Variants in CFAP61 observed in about 807,000 individuals in gnomAD.
The protein encoded by CFAP61 is cilia- and flagella-associated protein 61.
Under a neutral mutation model 135.6 loss-of-function variants are expected in CFAP61, and 107 were observed. The ratio of observed to expected loss-of-function variants is 0.79; its 90% CI spans 0.67 to 0.93. CFAP61 has a LOEUF of 0.93. CFAP61 is among the 40% of genes least tolerant of loss of function. CFAP61 has a pLI of 0.00. For synonymous variants in CFAP61, 575 were observed against 578.5 expected, an observed-to-expected ratio of 0.99 and a Z score of 0.09; for missense variants, 1,507 against 1,556.2, an observed-to-expected ratio of 0.97 and a Z score of 0.53.
intron 18 of CFAP61, among the ~76,000 whole-genome samples, chr20:20,236,312 A>G (rs2049589330): frequency 6.6e-6 from 1 of 152,196 alleles, no homozygotes; most frequent in East Asian, 1.9e-4. Context: ...TAGAATCCCC[A>G]GGTAATTCCA....
At chr20:20,270,927 C>T (rs1019803802) in intron 21 of CFAP61, among the ~76,000 whole-genome samples, 2 of 152,182 alleles carry the variant, frequency 1.3e-5, no homozygotes, top group Non-Finnish European at 2.9e-5. Flanking sequence ...CAGCCTCAAC[C>T]TTTCGAATTG....
rs139335456 is a variant in CFAP61, at chr20:20,268,395, C to T, written c.2503+5265C>T. On this transcript the variant is annotated intron_variant, in intron 21 of 26. Coordinates refer to ENST00000245957, the MANE Select transcript of CFAP61 (RefSeq NM_015585.4). The stretch of plus-strand genomic sequence containing the variant: ...TTGGGCATCAAGAACAAGAGATACT[C>T]CCAGGAGGAAGTCGGCTCTCCTTTG... 8.5e-3 allele frequency among the ~76,000 whole-genome samples: 1,300 copies of T among 152,264 alleles called. 11 individuals are homozygous for T. The highest frequency in any genetic ancestry group is 0.013 in the Non-Finnish European group (892 of 68,026).
At chr20:20,054,434 C>A (rs1369721112) in intron 1 of CFAP61, among the ~76,000 whole-genome samples, 1 of 148,900 alleles carries the variant, frequency 6.7e-6, no homozygotes, top group Non-Finnish European at 1.5e-5. Flanking sequence ...CATACATACA[C>A]ATATACACAC....
intron 8 of CFAP61, among the ~76,000 whole-genome samples, chr20:20,124,100 G>T (rs1361680718): frequency 6.7e-6 from 1 of 150,372 alleles, no homozygotes; most frequent in South Asian, 2.1e-4. Flanking sequence ...TATCCAGAAG[G>T]TTTGCTGAAT....
chr20:20,267,083 C>A (rs2052816596), intron 21 of CFAP61, among the ~76,000 whole-genome samples: 1 of 152,160 alleles, frequency 6.6e-6, no homozygotes, highest in Admixed American at 6.5e-5. Flanking sequence ...CACCAGGTGC[C>A]AGTCAGCTAT....
chr20:20,072,664 T>A (rs565453787), intron 3 of CFAP61, among the ~76,000 whole-genome samples: 4 of 152,354 alleles, frequency 2.6e-5, no homozygotes, highest in Non-Finnish European at 5.9e-5. Context: ...AGCTGTCTTC[T>A]ATGACAGTAT....
chr20:20,172,845 T>C (rs1210046122), intron 13 of CFAP61, among the ~76,000 whole-genome samples: 3 of 152,196 alleles, frequency 2.0e-5, no homozygotes, highest in Admixed American at 6.5e-5. Context: ...TTGTACATCC[T>C]ATGGCTTTGG....
intron 8 of CFAP61, among the ~76,000 whole-genome samples, chr20:20,130,109 GA>G (rs1470377832): frequency 6.6e-6 from 1 of 151,440 alleles, no homozygotes; most frequent in African/African-American, 2.4e-5. Context: ...CCAACATGGT[GA>G]AACCCCGTCT....
chr20:20,090,559 G>A (rs941814939), intron 6 of CFAP61, among the ~76,000 whole-genome samples: 2 of 151,978 alleles, frequency 1.3e-5, no homozygotes, highest in Admixed American at 1.3e-4. Context: ...GCGTGGTGGT[G>A]CATGCCTATA....
At chr20:20,310,166 G>A (rs906538365) in intron 25 of CFAP61, among the ~76,000 whole-genome samples, 1 of 152,064 alleles carries the variant, frequency 6.6e-6, no homozygotes, top group Non-Finnish European at 1.5e-5. Context: ...GCTAATTTTT[G>A]TATTTTTAGT....
chr20:20,166,835 T>C (rs1303458546), intron 12 of CFAP61, among the ~76,000 whole-genome samples: 1 of 152,176 alleles, frequency 6.6e-6, no homozygotes, highest in African/African-American at 2.4e-5. Flanking sequence ...GATTTTGAGG[T>C]TGGCATTTCT....
chr20:20,292,950 G>A (rs951314009), intron 24 of CFAP61, among the ~76,000 whole-genome samples: 1 of 152,102 alleles, frequency 6.6e-6, no homozygotes, highest in Non-Finnish European at 1.5e-5. Context: ...AAGGCAGAGA[G>A]TGTCAGGGTC....
At chr20:20,131,044 A>C (rs543444558) in intron 8 of CFAP61, among the ~76,000 whole-genome samples, 1 of 151,862 alleles carries the variant, frequency 6.6e-6, no homozygotes, top group African/African-American at 2.4e-5. Flanking sequence ...GTTGAGGGAA[A>C]TTTTCCATAC....
chr20:20,157,227 A>G (rs6046670), intron 9 of CFAP61, among the ~76,000 whole-genome samples: 137,214 of 152,142 alleles, frequency 0.9, 62,686 homozygotes, highest in Middle Eastern at 0.99. Flanking sequence ...GAACCACCAC[A>G]CCTAGATTTT....
At chr20:20,074,210 CTG>C in intron 3 of CFAP61, 90 bp from the exon 4 acceptor site, 1 of 948,248 alleles carries the variant, frequency 1.1e-6, no homozygotes, top group Non-Finnish European at 1.7e-6. Flanking sequence ...TGTTCTGTGT[CTG>C]TGGATGCCCC....
At chr20:20,335,038 C>T (rs1981202496) in intron 25 of CFAP61, among the ~76,000 whole-genome samples, 1 of 152,096 alleles carries the variant, frequency 6.6e-6, no homozygotes, top group Non-Finnish European at 1.5e-5. Flanking sequence ...TGATCATAAC[C>T]CTACCTGACA....
chr20:20,192,329 T>C (rs1409333357), intron 15 of CFAP61, among the ~76,000 whole-genome samples: 1 of 152,096 alleles, frequency 6.6e-6, no homozygotes, highest in Non-Finnish European at 1.5e-5. Context: ...GGGTCCACTC[T>C]CCACCTTTCT....
intron 8 of CFAP61, among the ~76,000 whole-genome samples, chr20:20,103,246 C>G (rs2048148027): frequency 6.6e-6 from 1 of 152,146 alleles, no homozygotes; most frequent in Non-Finnish European, 1.5e-5. Flanking sequence ...TTCCCTGAAT[C>G]TAAAATGTTT....
intron 8 of CFAP61, among the ~76,000 whole-genome samples, chr20:20,109,390 C>T (rs1415410060): frequency 6.6e-6 from 1 of 152,204 alleles, no homozygotes. Flanking sequence ...CTTTGCACCA[C>T]CCAGCATCCC....
Sources: allele counts gnomAD v4.1 joint callset (sites outside exome capture counted in the v4.1 genomes callset), GRCh38; gene constraint gnomAD v4.1.1; transcripts MANE v1.5; gene names NCBI Gene and HGNC (gene_info 2026-07-23, HGNC 2026-07-21).